Variants in MTR observed in about 807,000 individuals in gnomAD.
The protein encoded by MTR is 5-methyltetrahydrofolate-homocysteine methyltransferase.
Under a neutral mutation model 154.8 loss-of-function variants are expected in MTR, and 84 were observed. The observed-to-expected ratio is 0.54, with a 90% CI of 0.45 to 0.65. MTR has a LOEUF of 0.65. MTR is among the 30% of genes least tolerant of loss of function. The probability of loss-of-function intolerance (pLI) is 0.00; values close to 1 mark genes in which losing one functional copy is unlikely to be tolerated. For synonymous variants in MTR, 554 were observed against 553.9 expected (o/e 1.00, Z 0.00); for missense variants, 1,275 against 1,570.2 (o/e 0.81, Z 3.18).
chr1:236,836,615 G>C (rs1433129866), intron 14 of MTR, among the ~76,000 whole-genome samples: 2 of 152,068 alleles, frequency 1.3e-5, no homozygotes, highest in Non-Finnish European at 2.9e-5. Context: ...TTGAGCTCTT[G>C]GTTTTTTTAT....
intron 22 of MTR, among the ~76,000 whole-genome samples, chr1:236,868,099 AAGTT>A (rs1664918334): frequency 1.3e-5 from 2 of 152,172 alleles, no homozygotes; most frequent in South Asian, 4.1e-4. Context: ...TCTTTTGTGA[AAGTT>A]AGATTCAATT....
chr1:236,837,759 G>T (rs1662992375), intron 14 of MTR, among the ~76,000 whole-genome samples: 1 of 152,078 alleles, frequency 6.6e-6, no homozygotes, highest in African/African-American at 2.4e-5. Context: ...ATGCAGCCTA[G>T]ATCTGTTGCC....
rs1666821485 is a variant in MTR, at chr1:236,899,261, G to GT, written c.*1617_*1618insT. 1 of 152,090 alleles carries GT rather than the reference G, an allele frequency of 6.6e-6. No homozygotes were observed. Among genetic ancestry groups the GT allele is most frequent in the Admixed American group, 6.6e-5 (1 of 15,252 alleles). 9.4% of individuals were successfully genotyped at this position (152,090 alleles called of 1,614,324 possible). ...CTTCTAAATATGAAGGAGAGGTTGGGGACACGCACCCTATGTGATACCAAG... is the reference window on the plus strand; with the variant it reads ...CTTCTAAATATGAAGGAGAGGTTGGGTGACACGCACCCTATGTGATACCAAG... On this transcript the variant is annotated 3_prime_UTR_variant, in exon 33 of 33. Transcript: ENST00000366577.
chr1:236,823,796 CTTTTTTTTT>C (rs59710180), intron 8 of MTR, among the ~76,000 whole-genome samples: 18 of 18,434 alleles, frequency 9.8e-4, no homozygotes, highest in South Asian at 2.9e-3. Flanking sequence ...CAGGTCAGAT[CTTTTTTTTT>C]TTTTTTTTTT....
chr1:236,814,828 A>G (rs1661495576), intron 6 of MTR, among the ~76,000 whole-genome samples: 2 of 152,194 alleles, frequency 1.3e-5, no homozygotes, highest in East Asian at 1.9e-4. Flanking sequence ...TTTAGGATCA[A>G]TTTGTCTAGT....
At chr1:236,873,623 TG>T in intron 22 of MTR, 149 bp from the exon 23 acceptor site, 3 of 705,838 alleles carry the variant, frequency 4.3e-6, no homozygotes, top group Non-Finnish European at 5.0e-6. Flanking sequence ...ATGGTAGTTG[TG>T]GTGGTAATCC....
rs4639750 is a variant in MTR at position 236,813,747 on chromosome 1, A to T, written c.609+903A>T. Among the ~76,000 whole-genome samples the T allele has an allele frequency of 0.35, 52,772 of 151,940 alleles. 9,955 individuals carry two copies. Among genetic ancestry groups the T allele is most frequent in the Non-Finnish European group, 0.41 (27,769 of 67,944 alleles). Reference sequence around the variant, plus strand: ...TAAAATTGAGTCCTTTACTGAGGAAATCAGGCCCCTCTCAATAATAAGTAG... The same window carrying T: ...TAAAATTGAGTCCTTTACTGAGGAATTCAGGCCCCTCTCAATAATAAGTAG... On this transcript the variant is annotated intron_variant, in intron 6 of 32. Coordinates refer to ENST00000366577, the MANE Select transcript of MTR (RefSeq NM_000254.3).
At position 236,796,631 on chromosome 1, in the gene MTR, G is replaced by C. The variant is rs1340474085; in HGVS notation, c.34+894G>C. Among the ~76,000 whole-genome samples the C allele has an allele frequency of 2.0e-5, 3 of 152,064 alleles. No homozygotes were observed. In the East Asian group the frequency reaches 5.8e-4, roughly 29 times the overall value. ...CTCTTGATTCTTGGGTTCTGATAAC[G>C]GGACTGATATAATTGTTCTTGAAAC... On this transcript the variant is annotated intron_variant, in intron 1 of 32. Transcript: ENST00000366577.
chr1:236,843,818 G>GTT (rs1663404951), intron 15 of MTR, among the ~76,000 whole-genome samples: 1 of 152,230 alleles, frequency 6.6e-6, no homozygotes, highest in Non-Finnish European at 1.5e-5. Context: ...ACTGAGGTAA[G>GTT]AAAGACTGAG....
At chr1:236,799,192 G>C (rs1660569153) in intron 1 of MTR, among the ~76,000 whole-genome samples, 2 of 151,988 alleles carry the variant, frequency 1.3e-5, no homozygotes, top group African/African-American at 4.8e-5. Flanking sequence ...CGTGATCACG[G>C]TTCACTGCAG....
At position 236,894,441 on chromosome 1, in the gene MTR, C is replaced by G; in HGVS notation, c.3289C>G (p.Leu1097Val). ...APLHSGIRDY[L>V]GLFAVACFGV... is the part of the protein sequence containing the mutation. ...CTTGCATTCTGGCATCCGTGACTAC[C>G]TGGGCCTGTTTGCCGTTGCCTGCTT... Residue 1097 changes from leucine to valine, a missense_variant, in exon 30 of 33, where the codon CTG becomes GTG. Physicochemically the swap from Leu to Val is conservative, Grantham distance 32. Coordinates refer to ENST00000366577, the MANE Select transcript of MTR (RefSeq NM_000254.3). 1 of 1,614,206 alleles carries G rather than the reference C, an allele frequency of 6.2e-7. No homozygotes were observed. Among genetic ancestry groups the G allele is most frequent in the Non-Finnish European group, 8.5e-7 (1 of 1,180,046 alleles).
At chr1:236,893,752 G>A (rs1302223508) in intron 29 of MTR, among the ~76,000 whole-genome samples, 1 of 152,168 alleles carries the variant, frequency 6.6e-6, no homozygotes, top group Non-Finnish European at 1.5e-5. Context: ...CAGGGCTGTG[G>A]AGAAAATCCA....
intron 24 of MTR, among the ~76,000 whole-genome samples, chr1:236,879,381 T>C (rs1259510933): frequency 6.6e-6 from 1 of 152,274 alleles, no homozygotes; most frequent in Non-Finnish European, 1.5e-5. Context: ...TATAGTGTTC[T>C]GCTACTTTGT....
At chr1:236,879,935 C>A (rs1475582454) in intron 24 of MTR, among the ~76,000 whole-genome samples, 1 of 151,818 alleles carries the variant, frequency 6.6e-6, no homozygotes, top group Non-Finnish European at 1.5e-5. Flanking sequence ...AGGTGGATCA[C>A]TAGGTCAGGA....
chr1:236,808,598 C>T, intron 3 of MTR, 106 bp from the exon 4 acceptor site: 3 of 1,109,540 alleles, frequency 2.7e-6, no homozygotes, highest in Non-Finnish European at 4.1e-6. Context: ...TTAATTCACT[C>T]TACATTTTGT....
At chr1:236,850,599 TTA>T in intron 16 of MTR, 76 bp downstream of exon 16, 5 of 1,284,284 alleles carry the variant, frequency 3.9e-6, no homozygotes, top group Non-Finnish European at 5.6e-6. Flanking sequence ...TAGAACTAAC[TTA>T]TATATTTATT....
chr1:236,826,307 A>T (rs968459391), intron 10 of MTR, among the ~76,000 whole-genome samples: 118 of 152,130 alleles, frequency 7.8e-4, no homozygotes, highest in African/African-American at 2.8e-3. Flanking sequence ...TTTTGTGTTT[A>T]TTTTTTTGAG....
intron 26 of MTR, 46 bp from the exon 27 acceptor site, chr1:236,886,246 A>G (rs1326049413): frequency 2.0e-6 from 3 of 1,507,842 alleles, no homozygotes; most frequent in South Asian, 1.1e-5. Context: ...CAGTAGTTGT[A>G]GAAAAGCTAA....
intron 5 of MTR, among the ~76,000 whole-genome samples, chr1:236,811,274 C>T (rs1224188957): frequency 6.6e-6 from 1 of 152,124 alleles, no homozygotes; most frequent in Non-Finnish European, 1.5e-5. Context: ...CACCAGGTCC[C>T]CTCTCACAAC....
Sources: gnomAD v4.1 joint callset for allele counts (sites outside exome capture counted in the v4.1 genomes callset) on GRCh38, gnomAD v4.1.1 for gene constraint, MANE v1.5 for transcripts, NCBI Gene and HGNC (gene_info 2026-07-23, HGNC 2026-07-21) for gene names.